The following STAB1 variants were observed in gnomAD, a reference collection of about 807,000 sequenced individuals.
STAB1 encodes stabilin 1, also known as stabilin-1.
Under a neutral mutation model 332.4 loss-of-function variants are expected in STAB1, and 250 were observed. That is an observed-to-expected ratio of 0.75 (90% CI 0.68 to 0.84). The LOEUF is 0.84. Among genes scored for constraint, STAB1 ranks in the 40% least tolerant of loss-of-function variants. The probability of loss-of-function intolerance (pLI) is 0.00; values close to 1 mark genes in which losing one functional copy is unlikely to be tolerated. For missense variants in STAB1, 3,249 were observed against 3,489.7 expected (o/e 0.93, Z 1.74); for synonymous variants, 1,475 against 1,390.4 (o/e 1.06, Z -1.35).
At chr3:52,512,227 A>T (rs1709347489) in intron 26 of STAB1, 114 bp from the exon 27 acceptor site, 1 of 981,804 alleles carries the variant, frequency 1.0e-6, no homozygotes, top group African/African-American at 1.6e-5. Flanking sequence ...GGGTGGCTGC[A>T]GAGCAAGGGG....
Position 52,502,629 on chromosome 3 carries a change from C to A in STAB1, c.488-3C>A. 1 of 1,608,522 alleles carries A rather than the reference C, an allele frequency of 6.2e-7. No homozygotes were observed. ...CCCATCTGTCTCTGTGTGTCCCTCC[C>A]AGTGTGCAGCTGTGTGCACGGAGTG... On this transcript the variant is annotated splice_polypyrimidine_tract_variant and splice_region_variant and intron_variant, in intron 5 of 68. Coordinates refer to ENST00000321725, the MANE Select transcript of STAB1 (RefSeq NM_015136.3).
In STAB1 at chr3:52,518,751, G is replaced by A. The variant is rs148162424; in HGVS notation, c.4916G>A (p.Arg1639His). 2.5e-6 allele frequency: 4 copies of A among 1,612,516 alleles called. No homozygotes were observed. Among genetic ancestry groups the A allele is most frequent in the Non-Finnish European group, 2.5e-6 (3 of 1,179,822 alleles). ...GAGCTGGCCCGGATTCGTGCGCATCGCCAGCTGGTGTTTCGCTACCACGTG... is the reference window on the plus strand; with the variant it reads ...GAGCTGGCCCGGATTCGTGCGCATCACCAGCTGGTGTTTCGCTACCACGTG... Reference protein sequence around the residue: ...QDELARIRAHRQLVFRYHVVG... With the variant: ...QDELARIRAHHQLVFRYHVVG... The change falls in exon 48 of 69, where the codon CGC (arginine) becomes CAC (histidine). Residue 1639 changes from arginine to histidine, a missense_variant. Arg to His is a conservative substitution (Grantham distance 29). Transcript: ENST00000321725.
Position 52,512,581 on chromosome 3 carries a change from T to C in STAB1, c.2980-15T>C. The C allele has an allele frequency of 2.5e-6, 4 of 1,613,882 alleles. No homozygotes were observed. Among genetic ancestry groups the C allele is most frequent in the Non-Finnish European group, 3.4e-6 (4 of 1,179,996 alleles). On this transcript the variant is annotated splice_polypyrimidine_tract_variant and intron_variant, in intron 27 of 68. Coordinates refer to ENST00000321725, the MANE Select transcript of STAB1 (RefSeq NM_015136.3). ...GCCCCTGGTCCTGTGACCTCAGACT[T>C]TTCCCTTCCCTTAGGAGCTGGAGGC... is the stretch of plus-strand genomic sequence containing the variant.
Position 52,503,390 on chromosome 3 carries a change from C to T in STAB1, c.741C>T (p.Cys247=), listed in dbSNP as rs781136043. 1.2e-6 allele frequency: 2 copies of T among 1,613,552 alleles called. No individual in the cohort carries two copies. The highest frequency in any genetic ancestry group is 1.7e-5 in the Admixed American group (1 of 60,026). Residue 247 remains cysteine (C), a synonymous_variant, in exon 8 of 69, where the codon TGC becomes TGT. Transcript: ENST00000321725. ...WPSPCSLLAQ[C]SVSPKGQAQC... is the part of the protein sequence containing the mutation. ...CACCCTGCTCACTGCTGGCCCAGTG[C>T]TCGGTGAGCCCCAAGGGGCAGGCTC...
rs1178539157 is a variant in STAB1 at position 52,501,712 on chromosome 3, A to G, written c.290A>G (p.Gln97Arg). 3 of 1,579,318 alleles carry G rather than the reference A, an allele frequency of 1.9e-6. No homozygotes were observed. The highest frequency in any genetic ancestry group is 3.6e-5 in the Admixed American group (2 of 55,228). Residue 97 changes from glutamine (Q) to arginine (R), a missense_variant, in exon 3 of 69, where the codon CAG becomes CGG. Coordinates refer to ENST00000321725, the MANE Select transcript of STAB1 (RefSeq NM_015136.3). ...CRRKCRKQVV[Q>R]KACCPGYWGS... Reference sequence around the variant, plus strand: ...CGGAAGTGCCGGAAGCAAGTGGTGCAGAAGGCCTGCTGCCCTGGCTACTGG... The same window carrying G: ...CGGAAGTGCCGGAAGCAAGTGGTGCGGAAGGCCTGCTGCCCTGGCTACTGG...
Position 52,518,778 on chromosome 3 carries a change from T to C in STAB1, c.4943T>C (p.Val1648Ala), listed in dbSNP as rs909648268. 3.7e-6 allele frequency: 6 copies of C among 1,612,436 alleles called. No homozygotes were observed. Among genetic ancestry groups the C allele is most frequent in the Non-Finnish European group, 5.1e-6 (6 of 1,179,812 alleles). Reference sequence around the variant, plus strand: ...CAGCTGGTGTTTCGCTACCACGTGGTTGGCTGTCGGCGGCTGCGGAGCGAG... The same window carrying C: ...CAGCTGGTGTTTCGCTACCACGTGGCTGGCTGTCGGCGGCTGCGGAGCGAG... ...HRQLVFRYHV[V>A]GCRRLRSEDL... The change falls in exon 48 of 69, where the codon GTT (valine) becomes GCT (alanine). Residue 1648 changes from valine (V) to alanine (A), a missense_variant. By Grantham distance (64) the Val-to-Ala change is moderately conservative (BLOSUM62 0). Transcript: ENST00000321725.
intron 16 of STAB1, 34 bp downstream of exon 16, chr3:52,505,970 G>A (rs755545238): frequency 7.4e-6 from 12 of 1,612,254 alleles, no homozygotes; most frequent in Non-Finnish European, 1.0e-5. Context: ...CGGCCAGCTT[G>A]TACCCGGTGG....
At chr3:52,514,671 G>A (rs935396826) in intron 34 of STAB1, 30 bp from the exon 35 acceptor site, 1 of 1,612,536 alleles carries the variant, frequency 6.2e-7, no homozygotes, top group South Asian at 1.1e-5. Context: ...GTGGTAGGTG[G>A]GTGGATTCAG....
In STAB1 at chr3:52,516,545, T is replaced by C. The variant is rs763858702; in HGVS notation, c.4244T>C (p.Ile1415Thr). 6.2e-7 allele frequency: 1 copy of C among 1,613,130 alleles called. No homozygotes were observed. Among genetic ancestry groups the C allele is most frequent in the Non-Finnish European group, 8.5e-7 (1 of 1,179,948 alleles). Residue 1415 changes from isoleucine (I) to threonine (T), a missense_variant, in exon 40 of 69, where the codon ATC (isoleucine) becomes ACC (threonine). Coordinates refer to ENST00000321725, the MANE Select transcript of STAB1 (RefSeq NM_015136.3). ...GAGTCATCCTCCTGCCCCCCAGAAA[T>C]CACCAGCCCTCAGTGCCCTAGGAAG... ...GWQGLRCDQK[I>T]TSPQCPRKCD... is the part of the protein sequence containing the mutation.
intron 35 of STAB1, 73 bp from the exon 36 acceptor site, chr3:52,514,916 G>A: frequency 6.2e-7 from 1 of 1,612,364 alleles, no homozygotes; most frequent in South Asian, 1.1e-5. Flanking sequence ...AGGGGCGCAT[G>A]GTCAGTCTGT....
Position 52,522,757 on chromosome 3 carries a change from C to G in STAB1, c.6745-18C>G. On this transcript the variant is annotated intron_variant, in intron 61 of 68. Transcript: ENST00000321725. ...TTGACTGGGTCTTGGGTCTTAGTAT[C>G]CCCTCCTGTTCCTACAGCTGGGCTT... 2 of 1,612,758 alleles carry G rather than the reference C, an allele frequency of 1.2e-6. No homozygotes were observed. Among genetic ancestry groups the G allele is most frequent in the Non-Finnish European group, 1.7e-6 (2 of 1,179,794 alleles).
At chr3:52,519,646 G>A (rs886508372) in intron 50 of STAB1, 82 bp downstream of exon 50, 1 of 1,567,502 alleles carries the variant, frequency 6.4e-7, no homozygotes, top group Admixed American at 1.7e-5. Context: ...ACCTGTGTGT[G>A]CATACCCACC....
intron 56 of STAB1, 37 bp from the exon 57 acceptor site, chr3:52,521,559 G>A: frequency 6.2e-7 from 1 of 1,613,606 alleles, no homozygotes; most frequent in Non-Finnish European, 8.5e-7. Flanking sequence ...GGCCCTTGTG[G>A]GCCAATCTTT....
At position 52,512,390 on chromosome 3, in the gene STAB1, C is replaced by T. The variant is rs147739879; in HGVS notation, c.2933C>T (p.Pro978Leu). ...GGTCAGCGGGTCTGCACGTGCCCCCCTGGCTTTGGGGGTGATGGCTTCAGC... is the reference window on the plus strand; with the variant it reads ...GGTCAGCGGGTCTGCACGTGCCCCCTTGGCTTTGGGGGTGATGGCTTCAGC... ...GGGQRVCTCP[P>L]GFGGDGFSCY... The change falls in exon 27 of 69, where the codon CCT becomes CTT. Residue 978 changes from proline (P) to leucine (L), a missense_variant. Coordinates refer to ENST00000321725, the MANE Select transcript of STAB1 (RefSeq NM_015136.3). The T allele has an allele frequency of 6.2e-7, 1 of 1,610,900 alleles. No individual in the cohort carries two copies. The highest frequency in any genetic ancestry group is 8.5e-7 in the Non-Finnish European group (1 of 1,179,024).
chr3:52,507,845 G>A, intron 19 of STAB1, 86 bp from the exon 20 acceptor site: 1 of 1,470,132 alleles, frequency 6.8e-7, no homozygotes, highest in Non-Finnish European at 9.4e-7. Context: ...GACCCAGGGG[G>A]CAGAGGTCCC....
rs368050530 is a variant in STAB1, at chr3:52,506,739, C to G, written c.1878C>G (p.Asp626Glu). The G allele has an allele frequency of 6.2e-6, 10 of 1,612,550 alleles. No homozygotes were observed. The highest frequency in any genetic ancestry group is 8.5e-6 in the Non-Finnish European group (10 of 1,179,554). ...GPEGVPLQRV[D>E]VMAANGVIHM... Reference sequence around the variant, plus strand: ...AGGGGGTCCCGCTGCAGAGGGTAGACGTGATGGCCGCCAATGGTGTGATCC... The same window carrying G: ...AGGGGGTCCCGCTGCAGAGGGTAGAGGTGATGGCCGCCAATGGTGTGATCC... The change falls in exon 18 of 69, where the codon GAC becomes GAG. Residue 626 changes from aspartate (D) to glutamate (E), a missense_variant. Asp to Glu is a conservative substitution (Grantham distance 45). Transcript: ENST00000321725.
chr3:52,520,188 G>A lies in STAB1; in HGVS notation c.5413-16G>A, dbSNP rs761560020. The stretch of plus-strand genomic sequence containing the variant: ...AGCCTGCCTTTCCACCTCCAACCAT[G>A]ACTCCACTTGCTCAGGCCTTGGCAT... On this transcript the variant is annotated splice_polypyrimidine_tract_variant and intron_variant, in intron 51 of 68. Transcript: ENST00000321725. 5 of 1,613,174 alleles carry A rather than the reference G, an allele frequency of 3.1e-6. No homozygotes were observed. The highest frequency in any genetic ancestry group is 4.5e-5 in the East Asian group (2 of 44,880).
chr3:52,515,627 G>A (rs1307200088), intron 37 of STAB1, 121 bp downstream of exon 37: 2 of 1,039,726 alleles, frequency 1.9e-6, no homozygotes, highest in African/African-American at 3.1e-5. Flanking sequence ...ACTAGGGTGA[G>A]GCCAGAACCC....
rs771711606 is a variant in STAB1, at chr3:52,515,032, G to A, written c.3851G>A (p.Gly1284Asp). The change falls in exon 36 of 69, where the codon GGC (glycine) becomes GAC (aspartate). Residue 1284 changes from glycine to aspartate, a missense_variant. Transcript: ENST00000321725. The stretch of plus-strand genomic sequence containing the variant: ...ACCAGGAGATTCCGCTGCACTCAGG[G>A]CTTCCAGCTGCAGGTGAGACTGGGC... Reference protein sequence around the residue: ...NCTRRFRCTQGFQLQDTPRKS... With the variant: ...NCTRRFRCTQDFQLQDTPRKS... 6.2e-7 allele frequency: 1 copy of A among 1,613,494 alleles called. No homozygotes were observed. The highest frequency in any genetic ancestry group is 1.1e-5 in the South Asian group (1 of 91,084).
Sources: gnomAD v4.1 joint callset for allele counts on GRCh38, gnomAD v4.1.1 for gene constraint, MANE v1.5 for transcripts, NCBI Gene and HGNC (gene_info 2026-07-23, HGNC 2026-07-21) for gene names.